SPARCL1: variants seen among roughly 807,000 people sequenced by gnomAD.
SPARCL1 encodes SPARC-like protein 1.
A neutral mutation model predicts 67.1 loss-of-function variants in SPARCL1; 52 were observed. The ratio of observed to expected loss-of-function variants is 0.78; its 90% CI spans 0.62 to 0.98. The LOEUF is 0.98. Ranked by LOEUF, SPARCL1 falls within the 50% of genes least tolerant of loss-of-function variation. SPARCL1 has a pLI of 0.00. For synonymous variants in SPARCL1, 226 were observed against 267.8 expected (o/e 0.84, Z 1.52); for missense variants, 717 against 782.4 (o/e 0.92, Z 1.00).
chr4:87,528,045 C>T (rs1173255196), intron 1 of SPARCL1: 1 of 152,042 alleles, frequency 6.6e-6, no homozygotes, highest in East Asian at 1.9e-4. Flanking sequence ...CAGAGGAGAG[C>T]TCAGATACAA....
chr4:87,518,365 G>C (rs1725667835), intron 1 of SPARCL1, among the ~76,000 whole-genome samples: 1 of 152,188 alleles, frequency 6.6e-6, no homozygotes. Flanking sequence ...GGAGGCTGAG[G>C]CAGGAGGATT....
chr4:87,504,693 G>A (rs1422801749), intron 1 of SPARCL1: 1 of 151,998 alleles, frequency 6.6e-6, no homozygotes, highest in East Asian at 1.9e-4. Context: ...TGTAAGGAAG[G>A]GGGACAAAAA....
intron 9 of SPARCL1, among the ~76,000 whole-genome samples, chr4:87,479,899 A>G (rs1381060038): frequency 6.6e-6 from 1 of 152,086 alleles, no homozygotes; most frequent in Non-Finnish European, 1.5e-5. Flanking sequence ...TAGTCACTTG[A>G]CCCACATTGG....
chr4:87,497,407 C>G (rs1001444631), intron 2 of SPARCL1, among the ~76,000 whole-genome samples: 1 of 152,132 alleles, frequency 6.6e-6, no homozygotes, highest in Non-Finnish European at 1.5e-5. Flanking sequence ...ACTCTCTCTC[C>G]CCCTCCATCC....
chr4:87,519,074 CT>C (rs575830674), intron 1 of SPARCL1, among the ~76,000 whole-genome samples: 74 of 145,608 alleles, frequency 5.1e-4, no homozygotes, highest in South Asian at 2.6e-3. Flanking sequence ...AAGTCCCTAT[CT>C]TTTTTTTTTT....
intron 2 of SPARCL1, 90 bp downstream of exon 2, chr4:87,499,431 C>T: frequency 9.8e-7 from 1 of 1,021,666 alleles, no homozygotes; most frequent in African/African-American, 1.6e-5. Flanking sequence ...AATTTCAAAC[C>T]ATTATATAAG....
chr4:87,502,121 A>T (rs1724878555), intron 1 of SPARCL1, among the ~76,000 whole-genome samples: 1 of 152,156 alleles, frequency 6.6e-6, no homozygotes, highest in East Asian at 1.9e-4. Context: ...TTGATTAAAA[A>T]AAATTATACC....
chr4:87,507,702 G>A (rs1725155905), intron 1 of SPARCL1, among the ~76,000 whole-genome samples: 1 of 152,176 alleles, frequency 6.6e-6, no homozygotes, highest in Admixed American at 6.5e-5. Context: ...TTCTGACACT[G>A]TGTACCTGGA....
chr4:87,474,095 A>T (rs1487298119), intron 10 of SPARCL1, among the ~76,000 whole-genome samples: 1 of 152,220 alleles, frequency 6.6e-6, no homozygotes, highest in East Asian at 1.9e-4. Context: ...ATAGAGGAAG[A>T]GCAGGTTAAC....
intron 10 of SPARCL1, among the ~76,000 whole-genome samples, chr4:87,477,240 C>A (rs1723619072): frequency 6.6e-6 from 1 of 152,170 alleles, no homozygotes; most frequent in Admixed American, 6.5e-5. Context: ...TTTAAATTTG[C>A]CTTTTTATCA....
At position 87,529,136 on chromosome 4, in the gene SPARCL1, A is replaced by G. The variant is rs1417913502; in HGVS notation, c.-103T>C. 6.6e-6 allele frequency: 1 copy of G among 152,208 alleles called. No homozygotes were observed. The highest frequency in any genetic ancestry group is 2.4e-5 in the African/African-American group (1 of 41,446). The allele number at this position is 152,208 out of a possible 1,614,324, so 9.4% of individuals were successfully genotyped here. The stretch of plus-strand genomic sequence containing the variant: ...GACAGGGAATAAAAGTTTGACAAAC[A>G]CCCAAGAAAAACTCTTTAAATCCCT... On this transcript the variant is annotated 5_prime_UTR_variant, in exon 1 of 11. Coordinates refer to ENST00000282470, the MANE Select transcript of SPARCL1 (RefSeq NM_004684.6).
chr4:87,482,856 C>A (rs892881701), intron 7 of SPARCL1, among the ~76,000 whole-genome samples: 6 of 152,082 alleles, frequency 3.9e-5, no homozygotes, highest in African/African-American at 1.4e-4. Flanking sequence ...CAGCTAGGCC[C>A]CAGAATCACT....
At chr4:87,526,834 AT>A (rs1726064780) in intron 1 of SPARCL1, among the ~76,000 whole-genome samples, 1 of 152,226 alleles carries the variant, frequency 6.6e-6, no homozygotes, top group Non-Finnish European at 1.5e-5. Context: ...CGATTGATTG[AT>A]TGCTTTAATG....
intron 1 of SPARCL1, among the ~76,000 whole-genome samples, chr4:87,504,382 A>G (rs1341025563): frequency 2.6e-5 from 4 of 152,186 alleles, no homozygotes; most frequent in Non-Finnish European, 5.9e-5. Flanking sequence ...TAACAATGGA[A>G]TGGGTGTTTA....
chr4:87,483,003 G>T (rs973341748), intron 7 of SPARCL1, among the ~76,000 whole-genome samples: 3 of 151,818 alleles, frequency 2.0e-5, no homozygotes, highest in African/African-American at 7.3e-5. Flanking sequence ...AGTCAATTTT[G>T]CAATCCTGCT....
chr4:87,475,899 A>G (rs547990824), intron 10 of SPARCL1, among the ~76,000 whole-genome samples: 1 of 152,324 alleles, frequency 6.6e-6, no homozygotes, highest in Admixed American at 6.5e-5. Flanking sequence ...TAAAAAAATC[A>G]TTTTACTAAA....
intron 10 of SPARCL1, 75 bp downstream of exon 10, chr4:87,479,355 T>G: frequency 6.8e-7 from 1 of 1,478,560 alleles, no homozygotes; most frequent in Non-Finnish European, 9.2e-7. Context: ...GCAGGACCTC[T>G]CTATGAAGCA....
intron 6 of SPARCL1, 103 bp from the exon 7 acceptor site, chr4:87,490,496 A>T: frequency 7.4e-7 from 1 of 1,351,212 alleles, no homozygotes; most frequent in Non-Finnish European, 1.0e-6. Flanking sequence ...TGTGCCAAAG[A>T]TGTGGTCAGG....
intron 1 of SPARCL1, among the ~76,000 whole-genome samples, chr4:87,521,135 T>C (rs892772679): frequency 6.6e-5 from 10 of 152,254 alleles, no homozygotes; most frequent in Non-Finnish European, 1.5e-4. Context: ...TAGGTCGAAG[T>C]AGATATTTGT....
Sources: gnomAD v4.1 joint callset for allele counts (sites outside exome capture counted in the v4.1 genomes callset) on GRCh38, gnomAD v4.1.1 for gene constraint, MANE v1.5 for transcripts, NCBI Gene and HGNC (gene_info 2026-07-23, HGNC 2026-07-21) for gene names.